The following SLMAP variants were observed in gnomAD, a reference collection of about 807,000 sequenced individuals.
The protein encoded by SLMAP is sarcolemmal membrane-associated protein.
Under a neutral mutation model 128.8 loss-of-function variants are expected in SLMAP, and 44 were observed. That is an observed-to-expected ratio of 0.34 (90% CI 0.27 to 0.44). The LOEUF is 0.44. SLMAP is among the 20% of genes least tolerant of loss of function. The pLI is 1.00. For missense variants in SLMAP, 787 were observed against 985.3 expected (o/e 0.80, Z 2.69); for synonymous variants, 327 against 348.8 (o/e 0.94, Z 0.70).
At chr3:57,891,811 A>T (rs2096077720) in intron 15 of SLMAP, among the ~76,000 whole-genome samples, 1 of 152,176 alleles carries the variant, frequency 6.6e-6, no homozygotes, top group Non-Finnish European at 1.5e-5. Context: ...TCCTGACCTC[A>T]GATGATCCAC....
chr3:57,878,826 A>G (rs1205376694), intron 14 of SLMAP, among the ~76,000 whole-genome samples: 1 of 152,194 alleles, frequency 6.6e-6, no homozygotes, highest in Admixed American at 6.5e-5. Context: ...TCTTAATGAA[A>G]CCCAATTTTG....
chr3:57,846,674 A>C (rs1462970664), intron 4 of SLMAP, among the ~76,000 whole-genome samples: 3 of 150,686 alleles, frequency 2.0e-5, no homozygotes, highest in Non-Finnish European at 4.4e-5. Flanking sequence ...CTTATGCTTC[A>C]GCCTCCTGAG....
At chr3:57,859,320 C>CAAA (rs555697911) in intron 8 of SLMAP, among the ~76,000 whole-genome samples, 1 of 68,904 alleles carries the variant, frequency 1.5e-5, no homozygotes. Context: ...GAGACTGTCT[C>CAAA]AAAAAAAAAA....
intron 6 of SLMAP, among the ~76,000 whole-genome samples, chr3:57,855,398 A>T (rs1326166155): frequency 6.6e-6 from 1 of 151,950 alleles, no homozygotes; most frequent in Non-Finnish European, 1.5e-5. Flanking sequence ...AGAAAAGAAA[A>T]GAAAAAGATA....
At chr3:57,790,031 T>G (rs1455350318) in intron 2 of SLMAP, among the ~76,000 whole-genome samples, 1 of 152,056 alleles carries the variant, frequency 6.6e-6, no homozygotes, top group Non-Finnish European at 1.5e-5. Context: ...GAGACGGGGT[T>G]TCACCATGTT....
intron 6 of SLMAP, among the ~76,000 whole-genome samples, chr3:57,851,277 C>T (rs909477373): frequency 4.6e-5 from 7 of 151,360 alleles, no homozygotes; most frequent in African/African-American, 1.2e-4. Flanking sequence ...TGGTGTAGAG[C>T]AGATACTGCT....
intron 2 of SLMAP, among the ~76,000 whole-genome samples, chr3:57,813,274 T>G (rs2091318729): frequency 6.6e-6 from 1 of 152,108 alleles, no homozygotes; most frequent in Non-Finnish European, 1.5e-5. Context: ...TTTTGTATTT[T>G]TGGTAGAGAT....
At chr3:57,774,505 A>G (rs2081428166) in intron 2 of SLMAP, among the ~76,000 whole-genome samples, 1 of 99,314 alleles carries the variant, frequency 1.0e-5, no homozygotes, top group African/African-American at 3.5e-5. Flanking sequence ...AGACTTTAAT[A>G]GACAATTATT....
chr3:57,864,068 A>C (rs1453194059), intron 10 of SLMAP, among the ~76,000 whole-genome samples: 1 of 152,152 alleles, frequency 6.6e-6, no homozygotes, highest in African/African-American at 2.4e-5. Context: ...CAATGCAGAT[A>C]ATTTTTGACA....
At chr3:57,814,875 C>G (rs573846618) in intron 2 of SLMAP, among the ~76,000 whole-genome samples, 46 of 152,164 alleles carry the variant, frequency 3.0e-4, no homozygotes, top group African/African-American at 1.0e-3. Context: ...GTAGTCCCAG[C>G]TACTCGGGAG....
At chr3:57,923,724 G>A (rs1173101152) in intron 23 of SLMAP, among the ~76,000 whole-genome samples, 2 of 152,284 alleles carry the variant, frequency 1.3e-5, no homozygotes, top group East Asian at 1.9e-4. Context: ...GTCATGGCTT[G>A]GACACTGCAG....
Position 57,864,532 on chromosome 3 carries a change from T to G in SLMAP, c.967-16T>G. Reference sequence around the variant, plus strand: ...AGTTAGGTTTGTTAAATAACTGAATTTTCTTATTTTTCTAGGTAGCAGAGG... The same window carrying G: ...AGTTAGGTTTGTTAAATAACTGAATGTTCTTATTTTTCTAGGTAGCAGAGG... On this transcript the variant is annotated splice_polypyrimidine_tract_variant and intron_variant, in intron 10 of 24. Coordinates refer to ENST00000671191, the MANE Select transcript of SLMAP (RefSeq NM_001377540.1). 6.5e-7 allele frequency: 1 copy of G among 1,547,330 alleles called. No homozygotes were observed. The highest frequency in any genetic ancestry group is 1.4e-5 in the African/African-American group (1 of 71,408).
rs1383715515 is a variant in SLMAP at position 57,871,690 on chromosome 3, A to G, written c.1292A>G (p.Glu431Gly). 4 of 1,610,812 alleles carry G rather than the reference A, an allele frequency of 2.5e-6. No individual in the cohort carries two copies. The highest frequency in any genetic ancestry group is 3.4e-6 in the Non-Finnish European group (4 of 1,177,266). The change falls in exon 14 of 25, where the codon GAA becomes GGA. Residue 431 changes from glutamate (E) to glycine (G), a missense_variant. Physicochemically the swap from Glu to Gly is moderately conservative, Grantham distance 98. Around this residue, in one of 2 missense-constraint regions of SLMAP, gnomAD observed 715 missense variants for 843.6 expected, o/e 0.85. Transcript: ENST00000671191. Reference protein sequence around the residue: ...GDCTFIHQFIECQKKLIVEGH... With the variant: ...GDCTFIHQFIGCQKKLIVEGH... ...TGCACTTTTATTCATCAATTCATAG[A>G]ATGCCAGAGTGAGTACAGAGTATTT...
intron 2 of SLMAP, among the ~76,000 whole-genome samples, chr3:57,822,146 T>C (rs181441106): frequency 8.1e-4 from 124 of 152,276 alleles, no homozygotes; most frequent in African/African-American, 2.9e-3. Flanking sequence ...AAGTAGATGT[T>C]ACAGACTAAG....
At chr3:57,886,207 A>C (rs1254755513) in intron 14 of SLMAP, among the ~76,000 whole-genome samples, 1 of 145,832 alleles carries the variant, frequency 6.9e-6, no homozygotes, top group African/African-American at 2.6e-5. Context: ...AGGTTGAAGC[A>C]ATTCTCCTGC....
chr3:57,757,405 G>A lies in SLMAP; in HGVS notation c.-247G>A. On this transcript the variant is annotated 5_prime_UTR_variant, in exon 2 of 25. Transcript: ENST00000671191. ...TCCCAGAGAAGAAGATGGACTGAAAGCTGCCAGTTGGGGACTTTTTGTGAT... is the reference window on the plus strand; with the variant it reads ...TCCCAGAGAAGAAGATGGACTGAAAACTGCCAGTTGGGGACTTTTTGTGAT... 1.8e-6 allele frequency: 1 copy of A among 558,944 alleles called. No homozygotes were observed. Among genetic ancestry groups the A allele is most frequent in the South Asian group, 2.1e-5 (1 of 48,200 alleles). The allele number at this position is 558,944 out of a possible 1,614,324, so 34.6% of individuals were successfully genotyped here. A position where few individuals can be genotyped will look rare whatever the true frequency, so the allele number is the denominator to read the frequency against.
chr3:57,883,377 C>G (rs2095798043), intron 14 of SLMAP, among the ~76,000 whole-genome samples: 2 of 152,088 alleles, frequency 1.3e-5, no homozygotes, highest in African/African-American at 4.8e-5. Flanking sequence ...TTAGAAATTA[C>G]TCAAGGTAGT....
In SLMAP at chr3:57,860,783, C is replaced by T. The variant is rs1259443689; in HGVS notation, c.772C>T (p.Leu258=). 6.3e-7 allele frequency: 1 copy of T among 1,597,988 alleles called. No individual in the cohort carries two copies. Among genetic ancestry groups the T allele is most frequent in the African/African-American group, 1.4e-5 (1 of 73,650 alleles). ...CTATGAGACAACAGCCAAAGAGTCCCTGAGGCGGGTTCTTCAGGAGAAAAT... is the reference window on the plus strand; with the variant it reads ...CTATGAGACAACAGCCAAAGAGTCCTTGAGGCGGGTTCTTCAGGAGAAAAT... ...HNYETTAKES[L]RRVLQEKIEV... is the part of the protein sequence containing the mutation. The change falls in exon 9 of 25, where the codon CTG becomes TTG. Residue 258 remains leucine, a synonymous_variant. Transcript: ENST00000671191.
intron 2 of SLMAP, among the ~76,000 whole-genome samples, chr3:57,775,043 G>A (rs948400298): frequency 2.5e-4 from 38 of 150,886 alleles, no homozygotes; most frequent in Non-Finnish European, 4.6e-4. Context: ...GATTGGATAA[G>A]AAAACTTTAT....
Sources: gnomAD v4.1 joint callset for allele counts (sites outside exome capture counted in the v4.1 genomes callset) on GRCh38, gnomAD v4.1.1 for gene constraint, gnomAD v4.1.1 regional missense constraint, MANE v1.5 for transcripts, NCBI Gene and HGNC (gene_info 2026-07-23, HGNC 2026-07-21) for gene names.